The following ANKFY1 variants were observed in gnomAD, a reference collection of about 807,000 sequenced individuals.
The protein encoded by ANKFY1 is ankyrin repeat and FYVE domain containing 1, also known as ankyrin repeat and FYVE domain-containing protein 1.
ANKFY1 carries 47 observed loss-of-function variants against 128.3 expected under a neutral mutation model. The observed-to-expected ratio is 0.37, with a 90% CI of 0.29 to 0.47. The LOEUF is 0.47. Among genes scored for constraint, ANKFY1 ranks in the 20% least tolerant of loss-of-function variants. The pLI, the probability that ANKFY1 is intolerant of heterozygous loss-of-function variation, is 1.00. For synonymous variants in ANKFY1, 553 were observed against 601.6 expected (o/e 0.92, Z 1.18); for missense variants, 1,222 against 1,510.6 (o/e 0.81, Z 3.17).
chr17:4,181,110 G>A lies in ANKFY1; in HGVS notation c.2240+144C>T. ...GGCTCCTGGCTGACTTGACATGACA[G>A]AACAGTGACTCTCTGATAACCTTAA... On this transcript the variant is annotated intron_variant, in intron 16 of 24. Transcript: ENST00000341657. The surrounding 1 kb of genome is among the most constrained non-coding windows in gnomAD (Gnocchi z 4.9). The A allele has an allele frequency of 1.5e-6, 1 of 664,280 alleles. No individual in the cohort carries two copies. The allele number at this position is 664,280 out of a possible 1,614,324, so 41.1% of individuals were successfully genotyped here.
At position 4,216,857 on chromosome 17, in the gene ANKFY1, C is replaced by T. The variant is rs749608122; in HGVS notation, c.458+126G>A. ...GGGAGGTAACATCTGTCCCCAGCAT[C>T]GCCTTTAAAGGAACACCTTGCCAAG... On this transcript the variant is annotated intron_variant, in intron 4 of 24. Transcript: ENST00000341657. The T allele has an allele frequency of 2.1e-5, 27 of 1,316,306 alleles. No homozygotes were observed. The East Asian group carries it at 5.9e-4, about 29-fold the overall frequency. The allele number at this position is 1,316,306 out of a possible 1,614,324, so 81.5% of individuals were successfully genotyped here. A position where few individuals can be genotyped will look rare whatever the true frequency, so the allele number is the denominator to read the frequency against.
intron 2 of ANKFY1, among the ~76,000 whole-genome samples, chr17:4,240,064 C>CT (rs11290920): frequency 0.067 from 7,701 of 114,246 alleles, 416 homozygotes; most frequent in African/African-American, 0.14. Context: ...ATTAGCATGC[C>CT]TTTTTTTTTT....
At chr17:4,218,116 A>C (rs1230682350) in intron 3 of ANKFY1, among the ~76,000 whole-genome samples, 1 of 152,272 alleles carries the variant, frequency 6.6e-6, no homozygotes, top group African/African-American at 2.4e-5. Context: ...CCTTACTGAT[A>C]ACCAAATACA....
chr17:4,174,476 C>T (rs758017475), intron 19 of ANKFY1, among the ~76,000 whole-genome samples: 7 of 152,064 alleles, frequency 4.6e-5, no homozygotes, highest in Non-Finnish European at 7.4e-5. Flanking sequence ...TATCGATTAA[C>T]ATGGAAAGAT....
intron 12 of ANKFY1, 125 bp downstream of exon 12, chr17:4,184,693 A>C (rs1412416462): frequency 9.4e-7 from 1 of 1,068,234 alleles, no homozygotes; most frequent in African/African-American, 1.6e-5. Flanking sequence ...ACCTGAAAGG[A>C]TTTTTTGGGG....
chr17:4,166,106 C>T lies in ANKFY1; in HGVS notation c.*1673G>A, dbSNP rs1207748354. ...TTGTTTTTCTTTTAAACATTGTGCA[C>T]AAGCTTATATTCACATAGAAAGCAT... On this transcript the variant is annotated 3_prime_UTR_variant, in exon 25 of 25. Coordinates refer to ENST00000341657, the MANE Select transcript of ANKFY1 (RefSeq NM_001330063.2). The T allele has an allele frequency of 6.6e-6, 1 of 152,184 alleles. No individual in the cohort carries two copies. Among genetic ancestry groups the T allele is most frequent in the Non-Finnish European group, 1.5e-5 (1 of 68,028 alleles). The allele number at this position is 152,184 out of a possible 1,614,324, so 9.4% of individuals were successfully genotyped here. A position where few individuals can be genotyped will look rare whatever the true frequency, so the allele number is the denominator to read the frequency against.
At chr17:4,232,693 G>A (rs1463269533) in intron 3 of ANKFY1, among the ~76,000 whole-genome samples, 1 of 152,180 alleles carries the variant, frequency 6.6e-6, no homozygotes, top group African/African-American at 2.4e-5. Context: ...CTGACTCACA[G>A]TGATGCAATC....
chr17:4,242,745 GA>G lies in ANKFY1; in HGVS notation c.11-298del, dbSNP rs959013659. ...CACGTTTTTAAATATTCATTAAAAA[GA>G]AAAAAAAAGAATGGCTTTGTTTCAG... On this transcript the variant is annotated intron_variant, in intron 1 of 24. Transcript: ENST00000341657. Among the ~76,000 whole-genome samples, 78 of 151,098 alleles carry G rather than the reference GA, an allele frequency of 5.2e-4. No individual in the cohort carries two copies. The South Asian group carries it at 5.2e-3, about 10-fold the overall frequency.
chr17:4,199,804 T>C, intron 7 of ANKFY1, among the ~76,000 whole-genome samples: 1 of 152,236 alleles, frequency 6.6e-6, no homozygotes, highest in East Asian at 1.9e-4. Context: ...GATTAAGCAA[T>C]TAAATTTGTT....
chr17:4,203,228 T>A (rs1207488060), intron 7 of ANKFY1, among the ~76,000 whole-genome samples: 2 of 152,112 alleles, frequency 1.3e-5, no homozygotes, highest in Non-Finnish European at 2.9e-5. Context: ...CAGAAACAGT[T>A]AAAATAAAAG....
At chr17:4,170,045 C>T (rs533099485) in intron 23 of ANKFY1, among the ~76,000 whole-genome samples, 9 of 152,304 alleles carry the variant, frequency 5.9e-5, no homozygotes, top group South Asian at 4.1e-4. Flanking sequence ...GCCAAGTGCA[C>T]GGCAGAGGGA....
At chr17:4,215,474 C>G (rs1479803410) in intron 4 of ANKFY1, among the ~76,000 whole-genome samples, 3 of 152,066 alleles carry the variant, frequency 2.0e-5, no homozygotes, top group South Asian at 2.1e-4. Flanking sequence ...TGAACCGCAC[C>G]CGTCGCTAGC....
chr17:4,199,952 A>C (rs1453881120), intron 7 of ANKFY1, among the ~76,000 whole-genome samples: 1 of 152,256 alleles, frequency 6.6e-6, no homozygotes, highest in Non-Finnish European at 1.5e-5. Context: ...CACAGAACAG[A>C]AACCTGTTAC....
intron 1 of ANKFY1, among the ~76,000 whole-genome samples, chr17:4,247,477 G>A (rs1967609861): frequency 6.6e-6 from 1 of 152,134 alleles, no homozygotes; most frequent in South Asian, 2.1e-4. Flanking sequence ...TCCCCCACCC[G>A]GCAGCTTTTG....
intron 5 of ANKFY1, among the ~76,000 whole-genome samples, chr17:4,208,934 C>T (rs1235605681): frequency 2.0e-5 from 3 of 152,048 alleles, no homozygotes; most frequent in South Asian, 2.1e-4. Context: ...TGCTGCATGC[C>T]GGTAATCCCA....
intron 5 of ANKFY1, 42 bp downstream of exon 5, chr17:4,209,782 T>G (rs1326255050): frequency 2.5e-6 from 4 of 1,570,760 alleles, no homozygotes; most frequent in Non-Finnish European, 3.5e-6. Context: ...GTCTCCTGAC[T>G]GCCAGCTAGA....
chr17:4,206,840 C>T (rs954629826), intron 6 of ANKFY1, among the ~76,000 whole-genome samples: 7 of 152,116 alleles, frequency 4.6e-5, no homozygotes, highest in African/African-American at 1.4e-4. Flanking sequence ...AAGGCAGTGG[C>T]GTTCCTATTT....
intron 1 of ANKFY1, among the ~76,000 whole-genome samples, chr17:4,247,686 T>G (rs1005573192): frequency 1.1e-4 from 17 of 152,170 alleles, no homozygotes; most frequent in African/African-American, 3.9e-4. Context: ...TGTACAGTTC[T>G]TACAAGAAAA....
At chr17:4,177,103 T>C (rs753976160) in intron 19 of ANKFY1, 23 bp downstream of exon 19, 10 of 1,548,988 alleles carry the variant, frequency 6.5e-6, no homozygotes, top group East Asian at 2.3e-5. Context: ...TATTATTACA[T>C]GCAATACTTC....
Sources: allele counts gnomAD v4.1 joint callset (sites outside exome capture counted in the v4.1 genomes callset), GRCh38; gene constraint gnomAD v4.1.1; non-coding constraint Gnocchi (gnomAD v3.1); transcripts MANE v1.5; gene names NCBI Gene and HGNC (gene_info 2026-07-23, HGNC 2026-07-21).